SHPRH: variants seen among roughly 807,000 people sequenced by gnomAD.
SHPRH encodes the protein E3 ubiquitin-protein ligase SHPRH.
Under a neutral mutation model 202.5 loss-of-function variants are expected in SHPRH, and 106 were observed. That is an observed-to-expected ratio of 0.52 (90% confidence interval 0.45 to 0.62). SHPRH has a LOEUF of 0.62. Ranked by LOEUF, SHPRH falls within the 20% of genes least tolerant of loss-of-function variation. The pLI is 0.00. For missense variants in SHPRH, 1,710 were observed against 2,020.0 expected, an observed-to-expected ratio of 0.85 and a Z score of 2.94; for synonymous variants, 729 against 686.0, an observed-to-expected ratio of 1.06 and a Z score of -0.98.
rs1267490540 is a variant in SHPRH, at chr6:145,954,807, G to A, written c.516C>T (p.Asp172=). The A allele has an allele frequency of 6.2e-7, 1 of 1,613,684 alleles. No individual in the cohort carries two copies. Among genetic ancestry groups the A allele is most frequent in the Non-Finnish European group, 8.5e-7 (1 of 1,179,878 alleles). Residue 172 remains aspartate (D), a synonymous_variant, in exon 2 of 30, where the codon GAC becomes GAT. Coordinates refer to ENST00000275233, the MANE Select transcript of SHPRH (RefSeq NM_001042683.3). ...KQKKEPMSIC[D]KGILVESSFS... is the part of the protein sequence containing the mutation. ...AGGATGACTCCACCAGAATACCCTT[G>A]TCACAAATACTCATCGGTTCTTTTT...
intron 2 of SHPRH, among the ~76,000 whole-genome samples, chr6:145,870,671 G>T (rs1780020157): frequency 6.6e-6 from 1 of 152,080 alleles, no homozygotes; most frequent in African/African-American, 2.4e-5. Flanking sequence ...CATTAGCTAG[G>T]ACTTCAAGAA....
At chr6:145,873,122 G>C (rs572945011) in intron 2 of SHPRH, among the ~76,000 whole-genome samples, 1 of 152,168 alleles carries the variant, frequency 6.6e-6, no homozygotes, top group East Asian at 1.9e-4. Flanking sequence ...AACCACCATG[G>C]CACACATTTA....
At chr6:145,933,596 G>C (rs1296930843) in intron 13 of SHPRH, among the ~76,000 whole-genome samples, 1 of 152,172 alleles carries the variant, frequency 6.6e-6, no homozygotes, top group African/African-American at 2.4e-5. Context: ...TCAAAAGGCT[G>C]TCTAACCTTA....
chr6:145,914,004 T>A (rs1783725175), intron 23 of SHPRH, among the ~76,000 whole-genome samples: 1 of 152,182 alleles, frequency 6.6e-6, no homozygotes, highest in Admixed American at 6.6e-5. Flanking sequence ...TATTTGCAGT[T>A]CTATAATGTC....
rs186948902 is a variant in SHPRH at position 145,923,891 on chromosome 6, C to A, written c.3403-106G>T. On this transcript the variant is annotated intron_variant, in intron 17 of 29. Coordinates refer to ENST00000275233, the MANE Select transcript of SHPRH (RefSeq NM_001042683.3). ...CAAAATTCAAAGAAAGTAATAAATG[C>A]TATTCTCAAAGGGACTATCACAGAG... 6.1e-6 allele frequency: 7 copies of A among 1,156,450 alleles called. No individual in the cohort carries two copies. In the African/African-American group the frequency reaches 1.1e-4, roughly 18 times the overall value. 71.6% of individuals were successfully genotyped at this position (1,156,450 alleles called of 1,614,324 possible). A position where few individuals can be genotyped will look rare whatever the true frequency, so the allele number is the denominator to read the frequency against.
intron 14 of SHPRH, among the ~76,000 whole-genome samples, chr6:145,927,564 G>A (rs989566311): frequency 6.6e-6 from 1 of 151,472 alleles, no homozygotes; most frequent in African/African-American, 2.4e-5. Flanking sequence ...AATGTTTTGA[G>A]ATTATGCTAT....
At chr6:145,901,197 C>T (rs953326701) in intron 25 of SHPRH, among the ~76,000 whole-genome samples, 4 of 151,992 alleles carry the variant, frequency 2.6e-5, no homozygotes, top group Admixed American at 6.6e-5. Flanking sequence ...AACACTCTAA[C>T]GCGTGTTGCA....
downstream of SHPRH, among the ~76,000 whole-genome samples, chr6:145,862,436 A>AAC (rs1779612416): frequency 7.5e-6 from 1 of 133,172 alleles, no homozygotes; most frequent in Admixed American, 7.1e-5. Flanking sequence ...AACAAAACAA[A>AAC]ACAAAAAAAC....
intron 25 of SHPRH, among the ~76,000 whole-genome samples, chr6:145,898,842 T>TGTGCTGTCGCCCTAGTTGGAGTGCA (rs1380579189): frequency 6.6e-6 from 1 of 152,088 alleles, no homozygotes; most frequent in Non-Finnish European, 1.5e-5. Flanking sequence ...GACAGGGTCT[T>TGTGCTGTCGCCCTAGTTGGAGTGCA]GTGCTGTCGC....
At chr6:145,905,972 C>T (rs1782924132) in intron 25 of SHPRH, 1 of 151,992 alleles carries the variant, frequency 6.6e-6, no homozygotes, top group Non-Finnish European at 1.5e-5. Flanking sequence ...TTCATATTTT[C>T]TACCTCTTGT....
At chr6:145,920,734 A>C (rs902317475) in intron 21 of SHPRH, among the ~76,000 whole-genome samples, 1 of 152,086 alleles carries the variant, frequency 6.6e-6, no homozygotes, top group Non-Finnish European at 1.5e-5. Flanking sequence ...GAAAGGGCAT[A>C]TCGGGCTTTA....
chr6:145,913,386 T>G (rs979193783), intron 24 of SHPRH, 92 bp downstream of exon 24: 4 of 1,149,128 alleles, frequency 3.5e-6, no homozygotes, highest in African/African-American at 1.6e-5. Context: ...TAGAAACTAG[T>G]GGTGAGAAAA....
chr6:145,951,305 G>A (rs1787952468), intron 3 of SHPRH, among the ~76,000 whole-genome samples: 1 of 151,918 alleles, frequency 6.6e-6, no homozygotes, highest in African/African-American at 2.4e-5. Context: ...GAATTGCTTT[G>A]AAAGAGGCCT....
At chr6:145,906,479 C>G (rs1782970570) in intron 25 of SHPRH, 1 of 152,054 alleles carries the variant, frequency 6.6e-6, no homozygotes, top group Non-Finnish European at 1.5e-5. Context: ...CCAATTTATA[C>G]CTGTTATTTG....
chr6:145,882,067 C>A (rs1430173020), downstream of SHPRH, among the ~76,000 whole-genome samples: 1 of 151,506 alleles, frequency 6.6e-6, no homozygotes, highest in Non-Finnish European at 1.5e-5. Flanking sequence ...CTACACTTCA[C>A]CCTGGGTAAC....
intron 24 of SHPRH, among the ~76,000 whole-genome samples, chr6:145,910,919 T>A (rs911099592): frequency 7.2e-5 from 11 of 152,154 alleles, no homozygotes; most frequent in African/African-American, 2.7e-4. Flanking sequence ...AAATTAGTCC[T>A]TCAGCACTCT....
chr6:145,886,045 C>A lies in SHPRH; in HGVS notation c.*646G>T, dbSNP rs1780978945. On this transcript the variant is annotated 3_prime_UTR_variant, in exon 30 of 30. Coordinates refer to ENST00000275233, the MANE Select transcript of SHPRH (RefSeq NM_001042683.3). ...ATTTGGAGTTAACTGTTTACACTAA[C>A]ACCACTTTACACATAATAGAAATAT... The A allele has an allele frequency of 1.3e-5, 2 of 156,202 alleles. No homozygotes were observed. The highest frequency in any genetic ancestry group is 6.4e-5 in the Admixed American group (1 of 15,662). The allele number at this position is 156,202 out of a possible 1,614,324, so 9.7% of individuals were successfully genotyped here. A position where few individuals can be genotyped will look rare whatever the true frequency, so the allele number is the denominator to read the frequency against.
Position 145,919,497 on chromosome 6 carries a change from G to A in SHPRH, c.4009-6C>T. The A allele has an allele frequency of 1.2e-6, 2 of 1,611,276 alleles. No homozygotes were observed. The highest frequency in any genetic ancestry group is 1.7e-6 in the Non-Finnish European group (2 of 1,178,504). ...ATCCAATATTCATGAAGCAACTGAA[G>A]GAATAGAAAAGACAAACACAGTGGT... On this transcript the variant is annotated splice_polypyrimidine_tract_variant and splice_region_variant and intron_variant, in intron 21 of 29. Transcript: ENST00000275233.
At chr6:145,946,535 G>A (rs1050591580) in intron 6 of SHPRH, among the ~76,000 whole-genome samples, 194 bp from the exon 7 acceptor site, 2 of 151,836 alleles carry the variant, frequency 1.3e-5, no homozygotes, top group African/African-American at 4.8e-5. Context: ...TTAAAAAATT[G>A]TGCATATTAT....
Sources: allele counts gnomAD v4.1 joint callset (sites outside exome capture counted in the v4.1 genomes callset), GRCh38; gene constraint gnomAD v4.1.1; transcripts MANE v1.5; gene names NCBI Gene and HGNC (gene_info 2026-07-23, HGNC 2026-07-21).